Variants in CPNE1 observed in about 807,000 individuals in gnomAD.
CPNE1 encodes the protein copine-1.
CPNE1 carries 58 observed loss-of-function variants against 63.2 expected under a neutral mutation model. The ratio of observed to expected loss-of-function variants is 0.92; its 90% CI spans 0.74 to 1.14. CPNE1 has a LOEUF of 1.14. Ranked by LOEUF, CPNE1 falls within the 50% of genes most tolerant of loss-of-function variation. The pLI, the probability that CPNE1 is intolerant of heterozygous loss-of-function variation, is 0.00. For missense variants in CPNE1, 672 were observed against 661.7 expected (o/e 1.02, Z -0.17); for synonymous variants, 237 against 249.0 (o/e 0.95, Z 0.45).
At chr20:35,638,594 T>C (rs1253037922) in intron 1 of CPNE1, among the ~76,000 whole-genome samples, 4 of 150,236 alleles carry the variant, frequency 2.7e-5, no homozygotes, top group Non-Finnish European at 6.0e-5. Context: ...TGGCAGCTTA[T>C]CAAAAAACCT....
chr20:35,659,778 G>A (rs2034126540), intron 1 of CPNE1, among the ~76,000 whole-genome samples: 1 of 152,132 alleles, frequency 6.6e-6, no homozygotes. Context: ...CCAAACTGGT[G>A]AGGTTATTAA....
intron 1 of CPNE1, chr20:35,649,036 C>T (rs961750603): frequency 2.6e-5 from 4 of 152,582 alleles, no homozygotes; most frequent in African/African-American, 4.8e-5. Flanking sequence ...GATGCCAAGG[C>T]AGTATTTGCT....
chr20:35,630,636 T>A (rs1295163489), intron 12 of CPNE1, 105 bp downstream of exon 12: 2 of 1,477,058 alleles, frequency 1.4e-6, no homozygotes, highest in South Asian at 1.1e-5. Context: ...CAACCCTGCA[T>A]CTCCTCTTAA....
At chr20:35,659,854 AT>A (rs528829156) in intron 1 of CPNE1, among the ~76,000 whole-genome samples, 2 of 151,946 alleles carry the variant, frequency 1.3e-5, no homozygotes, top group African/African-American at 2.4e-5. Flanking sequence ...TTTGCTTTTT[AT>A]TTTTTTTCAA....
chr20:35,631,613 A>G (rs377676937), intron 7 of CPNE1, 35 bp from the exon 8 acceptor site: 2 of 1,609,310 alleles, frequency 1.2e-6, no homozygotes, highest in South Asian at 2.2e-5. Context: ...TAAACAAGCC[A>G]GGTGGCAGAT....
intron 1 of CPNE1, chr20:35,658,802 A>ACACACACACAC (rs2034058571): frequency 2.2e-6 from 1 of 446,828 alleles, no homozygotes; most frequent in African/African-American, 2.2e-5. Context: ...AGCAAACAAA[A>ACACACACACAC]ACACACACAC....
At chr20:35,659,237 T>G (rs2034096967) in intron 1 of CPNE1, among the ~76,000 whole-genome samples, 1 of 152,124 alleles carries the variant, frequency 6.6e-6, no homozygotes, top group Admixed American at 6.5e-5. Flanking sequence ...TAATTATATA[T>G]TTACAAGAGT....
At chr20:35,645,048 A>C (rs2033029072) in intron 1 of CPNE1, among the ~76,000 whole-genome samples, 1 of 152,174 alleles carries the variant, frequency 6.6e-6, no homozygotes, top group Non-Finnish European at 1.5e-5. Context: ...GGTGTCTGAG[A>C]CAACAGTACT....
chr20:35,656,337 G>C (rs1160992347), intron 1 of CPNE1, among the ~76,000 whole-genome samples: 1 of 152,142 alleles, frequency 6.6e-6, no homozygotes, highest in Non-Finnish European at 1.5e-5. Context: ...GATCATGCCT[G>C]TTTTGACATA....
At chr20:35,642,364 A>G (rs1190480115) in intron 1 of CPNE1, among the ~76,000 whole-genome samples, 1 of 152,226 alleles carries the variant, frequency 6.6e-6, no homozygotes, top group Non-Finnish European at 1.5e-5. Context: ...AGAGGGCTGA[A>G]GGTCTGGGTG....
chr20:35,626,070 G>A lies in CPNE1; in HGVS notation c.*171C>T, dbSNP rs910400016. The A allele has an allele frequency of 1.2e-5, 9 of 723,840 alleles. No homozygotes were observed. The African/African-American group carries it at 1.4e-4, about 11-fold the overall frequency. The allele number at this position is 723,840 out of a possible 1,614,324, so 44.8% of individuals were successfully genotyped here. ...TGGTCTTCACTGGTCTTTATTGAAT[G>A]AGGGTTGTCAGGAGCAAAGGTGGGA... On this transcript the variant is annotated 3_prime_UTR_variant, in exon 16 of 16. Coordinates refer to ENST00000397443, the MANE Select transcript of CPNE1 (RefSeq NM_152925.3).
chr20:35,653,247 C>G lies in CPNE1; in HGVS notation c.-1+11513G>C, dbSNP rs1330834972. The G allele has an allele frequency of 1.9e-6, 3 of 1,613,578 alleles. No homozygotes were observed. In the East Asian group the frequency reaches 6.7e-5, roughly 36 times the overall value. Reference sequence around the variant, plus strand: ...CTGCACTAGGTATTCCTGCACTGGGCATTCCCGCACCAGGCAGTCCTGCAC... The same window carrying G: ...CTGCACTAGGTATTCCTGCACTGGGGATTCCCGCACCAGGCAGTCCTGCAC... On this transcript the variant is annotated intron_variant, in intron 1 of 15. Transcript: ENST00000397443.
intron 1 of CPNE1, among the ~76,000 whole-genome samples, chr20:35,637,572 T>C (rs1277367823): frequency 1.3e-5 from 2 of 150,980 alleles, no homozygotes; most frequent in Admixed American, 1.3e-4. Flanking sequence ...ACATTATTCC[T>C]TTATGAACCC....
In CPNE1 at chr20:35,626,707, C is replaced by CT. The variant is rs774325203; in HGVS notation, c.1332dup (p.Val445SerfsTer10). The CT allele has an allele frequency of 6.2e-7, 1 of 1,614,224 alleles. No individual in the cohort carries two copies. The highest frequency in any genetic ancestry group is 2.2e-5 in the East Asian group (1 of 44,882). On this transcript the variant is annotated frameshift_variant, in exon 15 of 16. Coordinates refer to ENST00000397443, the MANE Select transcript of CPNE1 (RefSeq NM_152925.3). LOFTEE classifies it high-confidence loss of function. ...GCACCACCCACACCCACAATGATCACTGACATGGGCAGGTTCGAGGCACGC... is the reference window on the plus strand; with the variant it reads ...GCACCACCCACACCCACAATGATCACTTGACATGGGCAGGTTCGAGGCACGC...
Position 35,626,215 on chromosome 20 carries a change from G to A in CPNE1, c.*26C>T, listed in dbSNP as rs868261919. The stretch of plus-strand genomic sequence containing the variant: ...AGGGACCTCTGGGACACAGGATTGA[G>A]GACTTGCCACAGCCTCCAAGGGAAC... On this transcript the variant is annotated 3_prime_UTR_variant, in exon 16 of 16. Transcript: ENST00000397443. 1.9e-6 allele frequency: 3 copies of A among 1,613,790 alleles called. No homozygotes were observed. Among genetic ancestry groups the A allele is most frequent in the Non-Finnish European group, 2.5e-6 (3 of 1,179,734 alleles).
rs1445506212 is a variant in CPNE1 at position 35,626,564 on chromosome 20, C to T, written c.1473+3G>A. ...CTCCCAGATCAAATTTGCACCTACT[C>T]ACATTCTGGAACCGGCGGTAGGGTA... On this transcript the variant is annotated splice_donor_region_variant and intron_variant, in intron 15 of 15. Transcript: ENST00000397443. The T allele has an allele frequency of 1.9e-5, 30 of 1,613,748 alleles. No homozygotes were observed. The highest frequency in any genetic ancestry group is 2.5e-5 in the Non-Finnish European group (30 of 1,179,604).
In CPNE1 at chr20:35,632,883, C is replaced by G; in HGVS notation, c.41G>C (p.Cys14Ser). 1.1e-6 allele frequency: 1 copy of G among 872,976 alleles called. No homozygotes were observed. Among genetic ancestry groups the G allele is most frequent in the Admixed American group, 1.7e-5 (1 of 59,188 alleles). 54.1% of individuals were successfully genotyped at this position (872,976 alleles called of 1,614,324 possible). ...CVTLVQLSIS[C>S]DHLIDKDIGS... Reference sequence around the variant, plus strand: ...GATGTCCTTGTCAATGAGATGGTCACAGGAAATGGACAGCTGAACCAAGGT... The same window carrying G: ...GATGTCCTTGTCAATGAGATGGTCAGAGGAAATGGACAGCTGAACCAAGGT... Residue 14 changes from cysteine to serine, a missense_variant, in exon 2 of 16, where the codon TGT becomes TCT. Physicochemically the swap from Cys to Ser is moderately radical, Grantham distance 112. Transcript: ENST00000397443.
chr20:35,652,666 A>G (rs1568933061), intron 1 of CPNE1: 2 of 1,614,086 alleles, frequency 1.2e-6, no homozygotes, highest in Non-Finnish European at 1.7e-6. Flanking sequence ...TTTTAAACAC[A>G]CTGAGCCTGG....
chr20:35,631,133 C>G lies in CPNE1; in HGVS notation c.842G>C (p.Gly281Ala), dbSNP rs979982101. The G allele has an allele frequency of 1.2e-6, 2 of 1,613,998 alleles. No homozygotes were observed. Among genetic ancestry groups the G allele is most frequent in the Non-Finnish European group, 1.7e-6 (2 of 1,180,024 alleles). Reference sequence around the variant, plus strand: ...ACTTACAGTGAAGTTGATCTGACAGCCTCCCATCACATAGTCCAGAAAGGA... The same window carrying G: ...ACTTACAGTGAAGTTGATCTGACAGGCTCCCATCACATAGTCCAGAAAGGA... ...EYSFLDYVMG[G>A]CQINFTVGVD... is the part of the protein sequence containing the mutation. Residue 281 changes from glycine (G) to alanine (A), a missense_variant, in exon 10 of 16, where the codon GGC becomes GCC. Gly to Ala is a moderately conservative substitution (Grantham distance 60, BLOSUM62 0). Transcript: ENST00000397443.
Sources: gnomAD v4.1 joint callset for allele counts (sites outside exome capture counted in the v4.1 genomes callset) on GRCh38, gnomAD v4.1.1 for gene constraint, MANE v1.5 for transcripts, NCBI Gene and HGNC (gene_info 2026-07-23, HGNC 2026-07-21) for gene names.